Variants in BAZ1A observed in about 807,000 individuals in gnomAD.
The protein encoded by BAZ1A is bromodomain adjacent to zinc finger domain protein 1A.
In BAZ1A, 50 loss-of-function variants were observed where a neutral mutation model predicts 185.2. The observed-to-expected ratio is 0.27, with a 90% CI of 0.22 to 0.34. BAZ1A has a LOEUF of 0.34. Among genes scored for constraint, BAZ1A ranks in the 10% least tolerant of loss-of-function variants. The pLI, the probability that BAZ1A is intolerant of heterozygous loss-of-function variation, is 1.00. For missense variants in BAZ1A, 1,356 were observed against 1,839.9 expected (o/e 0.74, Z 4.81); for synonymous variants, 571 against 615.6 (o/e 0.93, Z 1.07).
chr14:34,844,785 A>G lies in BAZ1A; in HGVS notation c.392+17259T>C, dbSNP rs1206789749. Among the ~76,000 whole-genome samples the G allele has an allele frequency of 5.6e-4, 28 of 50,160 alleles. 1 individual carries two copies. Among genetic ancestry groups the G allele is most frequent in the African/African-American group, 1.5e-3 (25 of 16,454 alleles). 32.9% of individuals were successfully genotyped at this position (50,160 alleles called of 152,430 possible). A position where few individuals can be genotyped will look rare whatever the true frequency, so the allele number is the denominator to read the frequency against. ...CACACACACACACACGCGCACACAC[A>G]CACACACACACACACACACACACAC... On this transcript the variant is annotated intron_variant, in intron 3 of 26. Coordinates refer to ENST00000360310, the MANE Select transcript of BAZ1A (RefSeq NM_013448.3).
intron 9 of BAZ1A, among the ~76,000 whole-genome samples, chr14:34,798,090 G>C (rs373053294): frequency 1.3e-5 from 2 of 152,268 alleles, no homozygotes; most frequent in South Asian, 2.1e-4. Flanking sequence ...GTCTGAGATC[G>C]ACCTGCGAGG....
chr14:34,753,681 A>G lies in BAZ1A; in HGVS notation c.4498T>C (p.Leu1500=), dbSNP rs1166784883. The G allele has an allele frequency of 6.3e-7, 1 of 1,592,660 alleles. No individual in the cohort carries two copies. Among genetic ancestry groups the G allele is most frequent in the Admixed American group, 1.7e-5 (1 of 59,318 alleles). Reference sequence around the variant, plus strand: ...TATTCAAAGCAGTTCGAAAACATTAACTCAATGTCATCAATAAACTCAGCT... The same window carrying G: ...TATTCAAAGCAGTTCGAAAACATTAGCTCAATGTCATCAATAAACTCAGCT... ...LASEFIDDIE[L]MFSNCFEYNP... is the part of the protein sequence containing the mutation. Residue 1500 remains leucine, a synonymous_variant, in exon 27 of 27, where the codon TTA becomes CTA. Transcript: ENST00000360310.
Position 34,765,282 on chromosome 14 carries a change from G to T in BAZ1A, c.3302-14C>A. On this transcript the variant is annotated splice_polypyrimidine_tract_variant and intron_variant, in intron 21 of 26. Coordinates refer to ENST00000360310, the MANE Select transcript of BAZ1A (RefSeq NM_013448.3). Reference sequence around the variant, plus strand: ...TGTCACTGGCATCTTAAATGAAAAGGGAAAGTGATTACAATTTTTTAGGCA... The same window carrying T: ...TGTCACTGGCATCTTAAATGAAAAGTGAAAGTGATTACAATTTTTTAGGCA... 1 of 1,607,412 alleles carries T rather than the reference G, an allele frequency of 6.2e-7. No homozygotes were observed. Among genetic ancestry groups the T allele is most frequent in the South Asian group, 1.1e-5 (1 of 89,924 alleles).
rs187002853 is a variant in BAZ1A at position 34,811,852 on chromosome 14, T to C, written c.537-816A>G. On this transcript the variant is annotated intron_variant, in intron 4 of 26. Transcript: ENST00000360310. ...AAGTTCTTGGATTTGCTTTTAAACT[T>C]TATTTACAGCTATATAATCCAAGAA... 2.5e-4 allele frequency among the ~76,000 whole-genome samples: 38 copies of C among 152,278 alleles called. 1 individual carries two copies. Among genetic ancestry groups the C allele is most frequent in the Admixed American group, 2.2e-3 (33 of 15,278 alleles).
At chr14:34,753,800 T>G in intron 26 of BAZ1A, 96 bp from the exon 27 acceptor site, 5 of 1,087,570 alleles carry the variant, frequency 4.6e-6, no homozygotes, top group Non-Finnish European at 6.2e-6. Flanking sequence ...ATTAAGAAAA[T>G]GGAAGCCCAC....
intron 4 of BAZ1A, among the ~76,000 whole-genome samples, chr14:34,820,935 C>T (rs1440400071): frequency 6.6e-6 from 1 of 151,626 alleles, no homozygotes; most frequent in Admixed American, 6.6e-5. Flanking sequence ...TATACTTTCA[C>T]CAATACCACA....
intron 4 of BAZ1A, among the ~76,000 whole-genome samples, chr14:34,818,570 A>G (rs185358639): frequency 6.6e-6 from 1 of 152,336 alleles, no homozygotes; most frequent in East Asian, 1.9e-4. Flanking sequence ...GGGTTTTCAC[A>G]AATGTATATA....
chr14:34,864,543 C>A (rs2042823234), intron 2 of BAZ1A, among the ~76,000 whole-genome samples: 1 of 151,818 alleles, frequency 6.6e-6, no homozygotes, highest in Non-Finnish European at 1.5e-5. Flanking sequence ...TGCAGTGGTG[C>A]GATCTCAGCT....
At chr14:34,863,585 C>G (rs903691843) in intron 2 of BAZ1A, among the ~76,000 whole-genome samples, 1 of 151,882 alleles carries the variant, frequency 6.6e-6, no homozygotes, top group African/African-American at 2.4e-5. Context: ...GGATTACAGG[C>G]GTGAGCCACC....
In BAZ1A at chr14:34,851,394, T is replaced by C. The variant is rs576422723; in HGVS notation, c.392+10650A>G. ...ATGGGTTGCCCAAAGCCCACTTTAATTTTAAAAATTACCAAATTTATGATT... is the reference window on the plus strand; with the variant it reads ...ATGGGTTGCCCAAAGCCCACTTTAACTTTAAAAATTACCAAATTTATGATT... On this transcript the variant is annotated intron_variant, in intron 3 of 26. Coordinates refer to ENST00000360310, the MANE Select transcript of BAZ1A (RefSeq NM_013448.3). Among the ~76,000 whole-genome samples, 4 of 147,376 alleles carry C rather than the reference T, an allele frequency of 2.7e-5. No individual in the cohort carries two copies. The South Asian group carries it at 8.7e-4, about 32-fold the overall frequency.
chr14:34,846,377 C>T (rs2042512452), intron 3 of BAZ1A, among the ~76,000 whole-genome samples: 1 of 152,134 alleles, frequency 6.6e-6, no homozygotes, highest in Non-Finnish European at 1.5e-5. Flanking sequence ...CACTCTCACC[C>T]CCAGCATTTA....
intron 3 of BAZ1A, among the ~76,000 whole-genome samples, chr14:34,838,590 C>T (rs995654128): frequency 1.3e-5 from 2 of 151,524 alleles, no homozygotes; most frequent in South Asian, 2.1e-4. Flanking sequence ...GGCGCAATCT[C>T]GGCTCACTGC....
Position 34,874,193 on chromosome 14 carries a change from C to T in BAZ1A, c.113+299G>A. Reference sequence around the variant, plus strand: ...GGGCGAGGCGGGGAGTTTCCGCCGCCCCGCGGCCAAGAGGGCGGGAGGGCG... The same window carrying T: ...GGGCGAGGCGGGGAGTTTCCGCCGCTCCGCGGCCAAGAGGGCGGGAGGGCG... On this transcript the variant is annotated intron_variant, in intron 2 of 26. Transcript: ENST00000360310. The surrounding 1 kb of genome is among the most constrained non-coding windows in gnomAD (Gnocchi z 4.7). 1 of 309,652 alleles carries T rather than the reference C, an allele frequency of 3.2e-6. No individual in the cohort carries two copies. The highest frequency in any genetic ancestry group is 8.1e-5 in the East Asian group (1 of 12,410). The allele number at this position is 309,652 out of a possible 1,614,324, so 19.2% of individuals were successfully genotyped here. A position where few individuals can be genotyped will look rare whatever the true frequency, so the allele number is the denominator to read the frequency against.
chr14:34,809,657 G>A (rs1314493987), intron 5 of BAZ1A, among the ~76,000 whole-genome samples: 1 of 152,074 alleles, frequency 6.6e-6, no homozygotes, highest in Non-Finnish European at 1.5e-5. Context: ...TTCTCACCTT[G>A]TAATTCTTTG....
intron 25 of BAZ1A, 96 bp downstream of exon 25, chr14:34,758,608 G>T: frequency 8.0e-7 from 1 of 1,250,862 alleles, no homozygotes; most frequent in Non-Finnish European, 1.1e-6. Context: ...AAAAAAACTA[G>T]ACAGTGAGTA....
intron 2 of BAZ1A, among the ~76,000 whole-genome samples, chr14:34,866,502 A>AAAAAAAAAAAAAAAATAAAG: frequency 1.3e-5 from 1 of 79,538 alleles, no homozygotes. Context: ...AAAAAAAAAA[A>AAAAAAAAAAAAAAAATAAAG]GAAAAAAGTT....
intron 3 of BAZ1A, among the ~76,000 whole-genome samples, chr14:34,845,939 A>T (rs2042505472): frequency 6.6e-6 from 1 of 152,118 alleles, no homozygotes; most frequent in African/African-American, 2.4e-5. Context: ...GAGGCAGAAA[A>T]AGATGTAGGA....
chr14:34,832,969 A>G (rs2042272719), intron 3 of BAZ1A, among the ~76,000 whole-genome samples: 1 of 152,240 alleles, frequency 6.6e-6, no homozygotes, highest in African/African-American at 2.4e-5. Context: ...ATATAATGGA[A>G]CATTCAGACA....
intron 3 of BAZ1A, among the ~76,000 whole-genome samples, chr14:34,858,985 G>C (rs938187252): frequency 1.3e-5 from 2 of 152,076 alleles, no homozygotes; most frequent in African/African-American, 4.8e-5. Context: ...TTTGTGAGTC[G>C]GGGAGCCATT....
Sources: allele counts gnomAD v4.1 joint callset (sites outside exome capture counted in the v4.1 genomes callset), GRCh38; gene constraint gnomAD v4.1.1; non-coding constraint Gnocchi (gnomAD v3.1); transcripts MANE v1.5; gene names NCBI Gene and HGNC (gene_info 2026-07-23, HGNC 2026-07-21).